The following MAP4K5 variants were observed in gnomAD, a reference collection of about 807,000 sequenced individuals.
MAP4K5 encodes MAPK/ERK kinase kinase kinase 5.
In MAP4K5, 82 loss-of-function variants were observed where a neutral mutation model predicts 135.6. The ratio of observed to expected loss-of-function variants is 0.60; its 90% CI spans 0.51 to 0.73. The LOEUF (loss-of-function observed/expected upper bound fraction) is 0.73, where lower values mean the gene tolerates loss of function less well. Among genes scored for constraint, MAP4K5 ranks in the 30% least tolerant of loss-of-function variants. The pLI, the probability that MAP4K5 is intolerant of heterozygous loss-of-function variation, is 0.00. For missense variants in MAP4K5, 907 were observed against 1,010.9 expected (o/e 0.90, Z 1.39); for synonymous variants, 347 against 335.0 (o/e 1.04, Z -0.39).
Position 50,559,437 on chromosome 14 carries a change from C to A in MAP4K5, c.-180+1603G>T, listed in dbSNP as rs148220879. ...GATTGAAAGTATTTTTATTTTTTTT[C>A]TTTTCCTTTCAAAATTGTCTGCAAC... On this transcript the variant is annotated intron_variant, in intron 1 of 8. Transcript: ENST00000555216. 5.3e-5 allele frequency: 8 copies of A among 151,980 alleles called. 1 individual carries two copies. Among genetic ancestry groups the A allele is most frequent in the Non-Finnish European group, 7.4e-5 (5 of 67,936 alleles). The allele number at this position is 151,980 out of a possible 1,614,324, so 9.4% of individuals were successfully genotyped here.
At chr14:50,447,244 C>T (rs1202717931) in intron 16 of MAP4K5, among the ~76,000 whole-genome samples, 170 bp downstream of exon 16, 1 of 152,074 alleles carries the variant, frequency 6.6e-6, no homozygotes, top group East Asian at 1.9e-4. Context: ...AATAAAAAAC[C>T]TTAATGATCA....
At chr14:50,458,925 T>G (rs760783349) in intron 13 of MAP4K5, among the ~76,000 whole-genome samples, 2 of 152,120 alleles carry the variant, frequency 1.3e-5, no homozygotes, top group Non-Finnish European at 2.9e-5. Flanking sequence ...CTTCCCACCT[T>G]GGTCTCCCAG....
At chr14:50,546,881 G>A (rs938892556) in intron 1 of MAP4K5, among the ~76,000 whole-genome samples, 8 of 152,098 alleles carry the variant, frequency 5.3e-5, no homozygotes, top group Middle Eastern at 3.4e-3. Flanking sequence ...GTACATGTGC[G>A]GAACATGCAG....
rs887895086 is a variant in MAP4K5, at chr14:50,470,522, GC to G, written c.543-1741del. On this transcript the variant is annotated intron_variant, in intron 9 of 32. Coordinates refer to ENST00000682126, the MANE Select transcript of MAP4K5 (RefSeq NM_006575.6). ...TTTTATTTAACTGATACTTATTGAG[GC>G]TTTTTTTCTGTTAAAGTGATTTGTG... Among the ~76,000 whole-genome samples, 8 of 152,052 alleles carry G rather than the reference GC, an allele frequency of 5.3e-5. No individual in the cohort carries two copies. In the East Asian group the frequency reaches 1.5e-3, roughly 29 times the overall value.
intron 16 of MAP4K5, 102 bp from the exon 17 acceptor site, chr14:50,446,223 T>C: frequency 1.5e-6 from 1 of 675,028 alleles, no homozygotes. Context: ...ATACAGAGGA[T>C]GTAAAAGACA....
chr14:50,434,839 A>C, intron 27 of MAP4K5, 123 bp downstream of exon 27: 1 of 656,702 alleles, frequency 1.5e-6, no homozygotes, highest in Non-Finnish European at 2.5e-6. Context: ...AAATCAAATA[A>C]ACAACTACAA....
intron 18 of MAP4K5, 29 bp from the exon 19 acceptor site, chr14:50,444,065 G>T: frequency 1.4e-6 from 2 of 1,459,284 alleles, no homozygotes; most frequent in African/African-American, 1.4e-5. Context: ...AAAGTTGAAT[G>T]ACCACACAAA....
intron 31 of MAP4K5, among the ~76,000 whole-genome samples, chr14:50,424,813 A>C (rs2035811883): frequency 6.6e-6 from 1 of 152,058 alleles, no homozygotes; most frequent in South Asian, 2.1e-4. Context: ...TAACCATAGG[A>C]GTGACATAAT....
chr14:50,502,327 C>A (rs7144270), intron 3 of MAP4K5, among the ~76,000 whole-genome samples: 1 of 152,040 alleles, frequency 6.6e-6, no homozygotes, highest in Admixed American at 6.6e-5. Context: ...GCAAAAACCA[C>A]GAAAAACATT....
chr14:50,454,094 G>A (rs2036549232), intron 14 of MAP4K5, among the ~76,000 whole-genome samples: 1 of 152,178 alleles, frequency 6.6e-6, no homozygotes, highest in East Asian at 1.9e-4. Context: ...CTACAGTGTA[G>A]TGAAAACTGA....
intron 1 of MAP4K5, among the ~76,000 whole-genome samples, chr14:50,546,146 G>C (rs7152186): frequency 0.018 from 2,668 of 152,198 alleles, 73 homozygotes; most frequent in African/African-American, 0.061. Context: ...AAAAAAAAGA[G>C]GGTAAAAGAA....
At chr14:50,445,323 A>C in intron 17 of MAP4K5, 129 bp from the exon 18 acceptor site, 1 of 683,904 alleles carries the variant, frequency 1.5e-6, no homozygotes, top group East Asian at 2.9e-5. Flanking sequence ...GAGCAAAGTA[A>C]GAGGTGAGTT....
In MAP4K5 at chr14:50,468,872, G is replaced by T. The variant is rs558718702; in HGVS notation, c.543-90C>A. ...GTTATAATCACCAGACTTGTTGGAG[G>T]GAAGGAAGCTGAGAGGTGTTTACTA... is the stretch of plus-strand genomic sequence containing the variant. On this transcript the variant is annotated intron_variant, in intron 9 of 32. Coordinates refer to ENST00000682126, the MANE Select transcript of MAP4K5 (RefSeq NM_006575.6). 1.9e-5 allele frequency: 24 copies of T among 1,237,954 alleles called. No homozygotes were observed. In the East Asian group the frequency reaches 5.6e-4, roughly 29 times the overall value. 76.7% of individuals were successfully genotyped at this position (1,237,954 alleles called of 1,614,324 possible). A position where few individuals can be genotyped will look rare whatever the true frequency, so the allele number is the denominator to read the frequency against.
chr14:50,560,130 C>A, intron 1 of MAP4K5: 1 of 1,027,184 alleles, frequency 9.7e-7, no homozygotes, highest in East Asian at 2.6e-5. Flanking sequence ...CCACCAGCGC[C>A]ACAGCAACAT....
chr14:50,499,003 G>GC (rs1230666246), intron 3 of MAP4K5, among the ~76,000 whole-genome samples: 1 of 152,016 alleles, frequency 6.6e-6, no homozygotes, highest in Non-Finnish European at 1.5e-5. Flanking sequence ...AAATTCATTA[G>GC]CATACCATCA....
At chr14:50,481,369 G>T (rs753156507) in intron 6 of MAP4K5, among the ~76,000 whole-genome samples, 1 of 151,266 alleles carries the variant, frequency 6.6e-6, no homozygotes, top group African/African-American at 2.4e-5. Context: ...CAGTGTTTAT[G>T]TCTTTTAAAG....
intron 13 of MAP4K5, among the ~76,000 whole-genome samples, chr14:50,458,373 C>T (rs1356350785): frequency 6.6e-6 from 1 of 152,080 alleles, no homozygotes; most frequent in Non-Finnish European, 1.5e-5. Context: ...CCCCACCACA[C>T]ACACAAAAAA....
rs942510563 is a variant in MAP4K5 at position 50,437,676 on chromosome 14, G to C, written c.1824-142C>G. The C allele has an allele frequency of 6.0e-5, 40 of 663,272 alleles. No individual in the cohort carries two copies. In the African/African-American group the frequency reaches 7.1e-4, roughly 12 times the overall value. 41.1% of individuals were successfully genotyped at this position (663,272 alleles called of 1,614,324 possible). A position where few individuals can be genotyped will look rare whatever the true frequency, so the allele number is the denominator to read the frequency against. The stretch of plus-strand genomic sequence containing the variant: ...AACTCCACACTATCTCATCTTATAG[G>C]ACTGAGGAAGGGCCTGACAGTCTGT... On this transcript the variant is annotated intron_variant, in intron 25 of 32. Transcript: ENST00000682126.
In MAP4K5 at chr14:50,420,026, C is replaced by G; in HGVS notation, c.2534G>C (p.Ser845Thr). The G allele has an allele frequency of 6.2e-7, 1 of 1,605,342 alleles. No individual in the cohort carries two copies. The highest frequency in any genetic ancestry group is 8.5e-7 in the Non-Finnish European group (1 of 1,174,744). The change falls in exon 33 of 33, where the codon AGT becomes ACT. Residue 845 changes from serine (S) to threonine (T), a missense_variant. Ser to Thr is a moderately conservative substitution (Grantham distance 58). Around this residue, in one of 3 missense-constraint regions of MAP4K5, gnomAD observed 690 missense variants for 777.4 expected, o/e 0.89. Transcript: ENST00000682126. ...NLYILAGHEN[S>T]Y ...GAGATCAGTTTCTGTTGCTTAGTAA[C>G]TATTTTCATGTCCAGCCAAGATGTA...
Sources: allele counts gnomAD v4.1 joint callset (sites outside exome capture counted in the v4.1 genomes callset), GRCh38; gene constraint gnomAD v4.1.1; regional missense constraint gnomAD v4.1.1; transcripts MANE v1.5; gene names NCBI Gene and HGNC (gene_info 2026-07-23, HGNC 2026-07-21).